Variants in TENM2 observed in about 807,000 individuals in gnomAD.
TENM2 encodes teneurin transmembrane protein 2.
Under a neutral mutation model 245.2 loss-of-function variants are expected in TENM2, and 52 were observed. The observed-to-expected ratio is 0.21, with a 90% CI of 0.17 to 0.27. The LOEUF (loss-of-function observed/expected upper bound fraction) is 0.27. Among genes scored for constraint, TENM2 ranks in the 10% least tolerant of loss-of-function variants. The pLI is 1.00. For missense variants in TENM2, 3,046 were observed against 3,666.8 expected (o/e 0.83, Z 4.37); for synonymous variants, 1,363 against 1,438.9 (o/e 0.95, Z 1.19).
intron 2 of TENM2, among the ~76,000 whole-genome samples, chr5:167,540,392 G>C (rs1772124064): frequency 1.3e-5 from 2 of 152,044 alleles, no homozygotes; most frequent in Admixed American, 1.3e-4. Context: ...CTAAGAATAG[G>C]TTTTACATTT....
At chr5:167,930,933 A>G (rs1778232507) in intron 3 of TENM2, among the ~76,000 whole-genome samples, 1 of 152,214 alleles carries the variant, frequency 6.6e-6, no homozygotes, top group African/African-American at 2.4e-5. Context: ...GTATAGTTGC[A>G]TAAGGTTTAC....
At chr5:167,968,856 A>C (rs1424532286) in intron 4 of TENM2, among the ~76,000 whole-genome samples, 1 of 152,152 alleles carries the variant, frequency 6.6e-6, no homozygotes, top group Non-Finnish European at 1.5e-5. Flanking sequence ...ATTCAGGAAA[A>C]TGAAGGAATA....
intron 2 of TENM2, among the ~76,000 whole-genome samples, chr5:167,550,852 C>T (rs918172528): frequency 2.0e-5 from 3 of 151,858 alleles, no homozygotes; most frequent in Non-Finnish European, 4.4e-5. Flanking sequence ...GCCTCAGCCT[C>T]CAAGTAGCTG....
At chr5:167,743,039 G>A (rs548434985) in intron 2 of TENM2, among the ~76,000 whole-genome samples, 20 of 151,890 alleles carry the variant, frequency 1.3e-4, no homozygotes, top group Non-Finnish European at 1.9e-4. Flanking sequence ...ATTCTGAGCC[G>A]CCATATCGAT....
chr5:167,869,837 TA>T (rs771209092), intron 2 of TENM2, among the ~76,000 whole-genome samples: 4,032 of 148,138 alleles, frequency 0.027, 169 homozygotes, highest in African/African-American at 0.088. Flanking sequence ...AGAACCACGT[TA>T]AAAAAAAAAA....
At chr5:167,915,440 C>A (rs986066054) in intron 3 of TENM2, among the ~76,000 whole-genome samples, 1 of 152,136 alleles carries the variant, frequency 6.6e-6, no homozygotes, top group Non-Finnish European at 1.5e-5. Flanking sequence ...CCCTCCTGTT[C>A]GCTAAAATTT....
chr5:168,068,833 A>T (rs2152118730), intron 7 of TENM2, among the ~76,000 whole-genome samples: 1 of 102,656 alleles, frequency 9.7e-6, no homozygotes, highest in Admixed American at 1.1e-4. Flanking sequence ...AATTTCTGTA[A>T]TCTCTGTGTG....
chr5:167,828,483 G>A (rs534796086), intron 2 of TENM2, among the ~76,000 whole-genome samples: 123 of 152,278 alleles, frequency 8.1e-4, no homozygotes, highest in Non-Finnish European at 1.5e-3. Context: ...CATAAAGGCA[G>A]CAACTGTTTT....
At chr5:168,051,417 T>C (rs1789076348) in intron 6 of TENM2, among the ~76,000 whole-genome samples, 1 of 152,102 alleles carries the variant, frequency 6.6e-6, no homozygotes, top group African/African-American at 2.4e-5. Context: ...AGAGACTATA[T>C]GGCCCAAAAA....
intron 3 of TENM2, among the ~76,000 whole-genome samples, chr5:167,933,860 C>T (rs976111912): frequency 6.6e-6 from 1 of 152,146 alleles, no homozygotes; most frequent in Non-Finnish European, 1.5e-5. Context: ...ATACCATTAC[C>T]TATGTAAAGT....
At chr5:167,044,505 C>T in the TENM2 span, among the ~76,000 whole-genome samples, 1 of 152,050 alleles carries the variant, frequency 6.6e-6, no homozygotes, top group Admixed American at 6.5e-5. Context: ...GTTAGCAATC[C>T]AGGTTAAGAA....
At chr5:167,695,899 T>C (rs1757732753) in intron 2 of TENM2, among the ~76,000 whole-genome samples, 1 of 151,924 alleles carries the variant, frequency 6.6e-6, no homozygotes. Context: ...CCAGGTGTTG[T>C]GGCGGACACC....
chr5:168,111,280 T>C (rs1794647490), intron 9 of TENM2, among the ~76,000 whole-genome samples: 1 of 152,166 alleles, frequency 6.6e-6, no homozygotes, highest in African/African-American at 2.4e-5. Flanking sequence ...ATGAGGAAGT[T>C]GGTGCAGCTG....
chr5:167,544,124 A>C (rs1193769028), intron 2 of TENM2, among the ~76,000 whole-genome samples: 1 of 152,174 alleles, frequency 6.6e-6, no homozygotes, highest in East Asian at 1.9e-4. Flanking sequence ...TCAAGAAGTA[A>C]CTGTACTGGG....
At chr5:167,724,293 T>A (rs1473310334) in intron 2 of TENM2, among the ~76,000 whole-genome samples, 2 of 152,224 alleles carry the variant, frequency 1.3e-5, no homozygotes, top group African/African-American at 4.8e-5. Context: ...TACTAGTTTT[T>A]TTTTTTTTTC....
At chr5:167,299,838 T>A (rs1416291011) in intron 1 of TENM2, among the ~76,000 whole-genome samples, 1 of 151,852 alleles carries the variant, frequency 6.6e-6, no homozygotes, top group Non-Finnish European at 1.5e-5. Flanking sequence ...CAATGGTAAT[T>A]ATGGGAGACT....
the TENM2 span, among the ~76,000 whole-genome samples, chr5:167,221,798 C>A: frequency 1.3e-5 from 2 of 152,294 alleles, no homozygotes; most frequent in African/African-American, 4.8e-5. Flanking sequence ...AACTTATCTT[C>A]TTTCTGCATC....
intron 9 of TENM2, among the ~76,000 whole-genome samples, chr5:168,105,997 G>A (rs2152300456): frequency 6.6e-6 from 1 of 152,220 alleles, no homozygotes; most frequent in African/African-American, 2.4e-5. Context: ...AGGTGTCTGG[G>A]TTTTTTTCTG....
At chr5:167,762,864 G>A (rs370380850) in intron 2 of TENM2, among the ~76,000 whole-genome samples, 2 of 152,266 alleles carry the variant, frequency 1.3e-5, no homozygotes, top group Non-Finnish European at 1.5e-5. Flanking sequence ...TACATCTTCC[G>A]CTCCAAAAGC....
Sources: allele counts gnomAD v4.1 joint callset (sites outside exome capture counted in the v4.1 genomes callset), GRCh38; gene constraint gnomAD v4.1.1; transcripts MANE v1.5; gene names NCBI Gene and HGNC (gene_info 2026-07-23, HGNC 2026-07-21).